ARMH4: variants seen among roughly 807,000 people sequenced by gnomAD.
The protein encoded by ARMH4 is armadillo like helical domain containing 4.
ARMH4 carries 49 observed loss-of-function variants against 61.9 expected under a neutral mutation model. The ratio of observed to expected loss-of-function variants is 0.79; its 90% CI spans 0.63 to 1.00. The LOEUF is 1.00. Among genes scored for constraint, ARMH4 ranks in the 50% least tolerant of loss-of-function variants. ARMH4 has a pLI of 0.00. For synonymous variants in ARMH4, 368 were observed against 341.5 expected, an observed-to-expected ratio of 1.08 and a Z score of -0.85; for missense variants, 934 against 930.0, an observed-to-expected ratio of 1.00 and a Z score of -0.06.
At position 58,133,178 on chromosome 14, in the gene ARMH4, A is replaced by T. The variant is rs552752871; in HGVS notation, c.1533T>A (p.Thr511=). 2 of 1,614,140 alleles carry T rather than the reference A, an allele frequency of 1.2e-6. No homozygotes were observed. Among genetic ancestry groups the T allele is most frequent in the Non-Finnish European group, 1.7e-6 (2 of 1,180,032 alleles). Residue 511 remains threonine (T), a synonymous_variant, in exon 3 of 8, where the codon ACT becomes ACA. Coordinates refer to ENST00000267485, the MANE Select transcript of ARMH4 (RefSeq NM_001001872.4). ...GAGGCTCCCATCTTCTTGACAGCTG[A>T]GTAACACCAGGAACGTCAGACACAG... is the stretch of plus-strand genomic sequence containing the variant. ...PSPVSDVPGV[T]QLSRRWEPLA...
intron 5 of ARMH4, among the ~76,000 whole-genome samples, chr14:58,050,593 T>C (rs760512649): frequency 1.3e-5 from 2 of 151,992 alleles, no homozygotes; most frequent in African/African-American, 4.8e-5. Context: ...AGCTGTTGAC[T>C]CAGTCTTGCC....
At chr14:58,142,247 A>C (rs906223229) in intron 1 of ARMH4, among the ~76,000 whole-genome samples, 31 of 152,266 alleles carry the variant, frequency 2.0e-4, no homozygotes, top group Admixed American at 1.9e-3. Flanking sequence ...GATCTAAGTT[A>C]AGCAAATGAT....
chr14:58,016,337 A>G (rs1594691731), intron 5 of ARMH4, among the ~76,000 whole-genome samples: 1 of 152,334 alleles, frequency 6.6e-6, no homozygotes, highest in East Asian at 1.9e-4. Context: ...ATGTTGTTCA[A>G]CTTACACATT....
chr14:58,003,974 T>C lies in ARMH4; in HGVS notation c.*762A>G, dbSNP rs991167228. 1 of 152,184 alleles carries C rather than the reference T, an allele frequency of 6.6e-6. No homozygotes were observed. Among genetic ancestry groups the C allele is most frequent in the African/African-American group, 2.4e-5 (1 of 41,442 alleles). 9.4% of individuals were successfully genotyped at this position (152,184 alleles called of 1,614,324 possible). On this transcript the variant is annotated 3_prime_UTR_variant, in exon 8 of 8. Transcript: ENST00000267485. ...AATCAACTAGCACACAAAAAGAATA[T>C]CTCTTAATCATAAACATGTATGACA...
intron 2 of ARMH4, among the ~76,000 whole-genome samples, chr14:58,134,711 C>T (rs563879702): frequency 6.6e-6 from 1 of 152,184 alleles, no homozygotes; most frequent in South Asian, 2.1e-4. Context: ...AATACCAGCA[C>T]TTTGGGAGAC....
chr14:58,038,411 G>A (rs1267247912), intron 5 of ARMH4, among the ~76,000 whole-genome samples: 4 of 110,882 alleles, frequency 3.6e-5, no homozygotes, highest in Non-Finnish European at 7.4e-5. Context: ...GTGGGGTCGG[G>A]GGAGGGGGGA....
intron 4 of ARMH4, among the ~76,000 whole-genome samples, chr14:58,106,200 A>G (rs189008133): frequency 2.0e-5 from 3 of 152,270 alleles, no homozygotes; most frequent in Admixed American, 1.3e-4. Flanking sequence ...CTTGCCATGG[A>G]GCTAATGGAT....
intron 5 of ARMH4, among the ~76,000 whole-genome samples, chr14:58,034,744 G>T (rs2141171332): frequency 2.2e-5 from 1 of 45,180 alleles, no homozygotes; most frequent in Middle Eastern, 6.8e-3. Context: ...AAAAGGCAGG[G>T]GTTGCAATCC....
chr14:58,148,693 T>C (rs1887826817), intron 1 of ARMH4, among the ~76,000 whole-genome samples: 4 of 152,008 alleles, frequency 2.6e-5, no homozygotes, highest in Middle Eastern at 3.4e-3. Flanking sequence ...TACTGTAAGA[T>C]TTTTTTAATG....
intron 4 of ARMH4, among the ~76,000 whole-genome samples, chr14:58,130,501 G>A (rs1404668502): frequency 6.6e-6 from 1 of 152,190 alleles, no homozygotes; most frequent in African/African-American, 2.4e-5. Flanking sequence ...TTCCAGATTA[G>A]TTTAAGAAAT....
chr14:58,119,755 T>C (rs531159555), intron 4 of ARMH4, among the ~76,000 whole-genome samples: 1 of 152,336 alleles, frequency 6.6e-6, no homozygotes, highest in African/African-American at 2.4e-5. Flanking sequence ...GATTGCCTGT[T>C]CTTCATGGAA....
intron 5 of ARMH4, among the ~76,000 whole-genome samples, chr14:58,092,993 C>T (rs867033376): frequency 6.6e-6 from 1 of 152,100 alleles, no homozygotes; most frequent in South Asian, 2.1e-4. Flanking sequence ...GGACGGACTT[C>T]GTGGGAGGTG....
rs775502594 is a variant in ARMH4, at chr14:58,139,032, A to G, written c.327T>C (p.Pro109=). The G allele has an allele frequency of 2.5e-6, 4 of 1,614,148 alleles. No individual in the cohort carries two copies. Among genetic ancestry groups the G allele is most frequent in the Non-Finnish European group, 3.4e-6 (4 of 1,180,058 alleles). ...GQAGLMQTER[P]GVSTPTESGV... The stretch of plus-strand genomic sequence containing the variant: ...CTGACTCAGTAGGTGTGGAAACACC[A>G]GGGCGTTCTGTTTGCATGAGCCCAG... Residue 109 remains proline, a synonymous_variant, in exon 2 of 8, where the codon CCT becomes CCC. Transcript: ENST00000267485.
At chr14:58,073,007 C>T (rs141927068) in intron 5 of ARMH4, among the ~76,000 whole-genome samples, 370 of 152,292 alleles carry the variant, frequency 2.4e-3, no homozygotes, top group African/African-American at 7.9e-3. Context: ...AGCGCCCCTC[C>T]TTGGGGGCTT....
At chr14:58,041,829 A>C (rs1883716696) in intron 5 of ARMH4, among the ~76,000 whole-genome samples, 1 of 152,216 alleles carries the variant, frequency 6.6e-6, no homozygotes, top group Admixed American at 6.5e-5. Context: ...TAAACCAACA[A>C]AGATCAAAAG....
At chr14:58,044,483 T>G (rs1566555247) in intron 5 of ARMH4, among the ~76,000 whole-genome samples, 1 of 152,190 alleles carries the variant, frequency 6.6e-6, no homozygotes, top group Non-Finnish European at 1.5e-5. Flanking sequence ...ATTAAAGACT[T>G]AAATGTTAAA....
intron 5 of ARMH4, among the ~76,000 whole-genome samples, chr14:58,017,543 C>CA (rs71450348): frequency 0.013 from 1,928 of 151,506 alleles, 34 homozygotes; most frequent in East Asian, 0.079. Context: ...ACAATAGCTA[C>CA]AAAAAAAATA....
At chr14:58,077,017 C>A (rs1002279140) in intron 5 of ARMH4, among the ~76,000 whole-genome samples, 4 of 152,152 alleles carry the variant, frequency 2.6e-5, no homozygotes, top group African/African-American at 7.2e-5. Flanking sequence ...CTTAGCTTGG[C>A]CCCTTCTGAA....
chr14:58,116,097 T>C (rs1886510283), intron 4 of ARMH4: 1 of 152,662 alleles, frequency 6.6e-6, no homozygotes, highest in African/African-American at 2.4e-5. Context: ...TAAACATGTC[T>C]GTTAATTTAT....
Sources: allele counts gnomAD v4.1 joint callset (sites outside exome capture counted in the v4.1 genomes callset), GRCh38; gene constraint gnomAD v4.1.1; transcripts MANE v1.5; gene names NCBI Gene and HGNC (gene_info 2026-07-23, HGNC 2026-07-21).